EPHA3: variants seen among roughly 807,000 people sequenced by gnomAD.
EPHA3 encodes ephrin type-A receptor 3.
EPHA3 carries 42 observed loss-of-function variants against 107.1 expected under a neutral mutation model. The observed-to-expected ratio is 0.39, with a 90% CI of 0.31 to 0.51. EPHA3 has a LOEUF of 0.51. Ranked by LOEUF, EPHA3 falls within the 20% of genes least tolerant of loss-of-function variation. EPHA3 has a pLI of 0.78. For synonymous variants in EPHA3, 461 were observed against 424.8 expected (o/e 1.09, Z -1.05); for missense variants, 1,183 against 1,211.2 (o/e 0.98, Z 0.35).
At chr3:89,172,020 T>TAACCAACCGCCCCTTCTTCTC (rs1705221349) in intron 2 of EPHA3, among the ~76,000 whole-genome samples, 1 of 152,178 alleles carries the variant, frequency 6.6e-6, no homozygotes, top group African/African-American at 2.4e-5. Flanking sequence ...TCCTTCTTCG[T>TAACCAACCGCCCCTTCTTCTC]AACCAACCGC....
chr3:89,449,315 G>C lies in EPHA3; in HGVS notation c.2437G>C (p.Val813Leu), dbSNP rs1709941064. Residue 813 changes from valine to leucine, a missense_variant, in exon 14 of 17, where the codon GTT becomes CTT. Physicochemically the swap from Val to Leu is conservative, Grantham distance 32. Transcript: ENST00000336596. ...SASDVWSYGI[V>L]LWEVMSYGER... ...CAGCGATGTATGGAGTTATGGGATT[G>C]TTCTCTGGGAGGTGATGTCTTATGG... The C allele has an allele frequency of 6.2e-7, 1 of 1,612,118 alleles. No individual in the cohort carries two copies. The highest frequency in any genetic ancestry group is 8.5e-7 in the Non-Finnish European group (1 of 1,178,718).
chr3:89,415,673 A>C (rs1709232799), intron 10 of EPHA3, among the ~76,000 whole-genome samples: 1 of 151,106 alleles, frequency 6.6e-6, no homozygotes, highest in South Asian at 2.1e-4. Context: ...CATGACTACA[A>C]TTCCTAATTT....
intron 5 of EPHA3, among the ~76,000 whole-genome samples, chr3:89,378,277 T>G (rs1206114628): frequency 6.6e-6 from 1 of 152,132 alleles, no homozygotes; most frequent in Non-Finnish European, 1.5e-5. Flanking sequence ...ATTTTTTAAG[T>G]GTATTGGGAT....
At chr3:89,191,517 A>G (rs1705717402) in intron 2 of EPHA3, among the ~76,000 whole-genome samples, 1 of 152,104 alleles carries the variant, frequency 6.6e-6, no homozygotes, top group Admixed American at 6.5e-5. Context: ...TGTGTTATCC[A>G]GGATGGTATA....
chr3:89,467,783 T>C (rs1464102270), intron 15 of EPHA3, among the ~76,000 whole-genome samples: 1 of 152,168 alleles, frequency 6.6e-6, no homozygotes, highest in Admixed American at 6.5e-5. Flanking sequence ...ATTTTTCACT[T>C]CCCCTGAGCA....
At chr3:89,450,439 T>G (rs1226979897) in intron 15 of EPHA3, 69 bp downstream of exon 15, 2 of 1,487,916 alleles carry the variant, frequency 1.3e-6, no homozygotes, top group African/African-American at 2.8e-5. Flanking sequence ...AGATGTTAAT[T>G]TTTTTAGCCC....
intron 5 of EPHA3, among the ~76,000 whole-genome samples, chr3:89,387,870 A>G (rs1340412238): frequency 1.3e-5 from 2 of 152,172 alleles, no homozygotes; most frequent in African/African-American, 4.8e-5. Flanking sequence ...AAATTATAAC[A>G]AAATTCTCCA....
At chr3:89,249,100 C>T (rs1044859525) in intron 3 of EPHA3, among the ~76,000 whole-genome samples, 3 of 152,168 alleles carry the variant, frequency 2.0e-5, no homozygotes, top group African/African-American at 7.2e-5. Context: ...GTGACTAATG[C>T]CACTTTTGGG....
At chr3:89,267,199 T>C (rs2107291292) in intron 3 of EPHA3, among the ~76,000 whole-genome samples, 2 of 152,194 alleles carry the variant, frequency 1.3e-5, no homozygotes, top group Admixed American at 1.3e-4. Context: ...TAAAGTAAGC[T>C]TACCTTGCCA....
chr3:89,460,271 A>G (rs1253601037), intron 15 of EPHA3, among the ~76,000 whole-genome samples: 1 of 152,190 alleles, frequency 6.6e-6, no homozygotes, highest in East Asian at 1.9e-4. Flanking sequence ...GTAAATTGAT[A>G]AAATTCAAAT....
rs758375237 is a variant in EPHA3, at chr3:89,345,797, T to A, written c.1306+3707T>A. 1.0e-3 allele frequency among the ~76,000 whole-genome samples: 113 copies of A among 110,650 alleles called. 1 individual carries two copies. Among genetic ancestry groups the A allele is most frequent in the Non-Finnish European group, 1.9e-3 (109 of 56,112 alleles). 72.6% of individuals were successfully genotyped at this position (110,650 alleles called of 152,430 possible). On this transcript the variant is annotated intron_variant, in intron 5 of 16. Coordinates refer to ENST00000336596, the MANE Select transcript of EPHA3 (RefSeq NM_005233.6). ...CCACCCCACCACAGTCCCCAGAGTGTGATATTCCCCTTCCTGTGTCCATGT... is the reference window on the plus strand; with the variant it reads ...CCACCCCACCACAGTCCCCAGAGTGAGATATTCCCCTTCCTGTGTCCATGT...
At chr3:89,340,693 T>C (rs1473243905) in intron 3 of EPHA3, among the ~76,000 whole-genome samples, 5 of 152,226 alleles carry the variant, frequency 3.3e-5, no homozygotes, top group Non-Finnish European at 7.3e-5. Flanking sequence ...GCCAAAATAA[T>C]CTAAATCTTG....
At chr3:89,203,006 A>T (rs1335581864) in intron 2 of EPHA3, among the ~76,000 whole-genome samples, 1 of 152,108 alleles carries the variant, frequency 6.6e-6, no homozygotes, top group Non-Finnish European at 1.5e-5. Flanking sequence ...GCAAATCTGG[A>T]GTGAAAAACC....
chr3:89,447,066 G>A (rs1709889792), intron 13 of EPHA3, among the ~76,000 whole-genome samples: 1 of 152,094 alleles, frequency 6.6e-6, no homozygotes, highest in African/African-American at 2.4e-5. Flanking sequence ...ACATGTCTAA[G>A]TCCACTTTTG....
rs937950554 is a variant in EPHA3, at chr3:89,481,904, T to C, written c.*2402T>C. 4.4e-6 allele frequency: 1 copy of C among 228,450 alleles called. No individual in the cohort carries two copies. Among genetic ancestry groups the C allele is most frequent in the Non-Finnish European group, 8.7e-6 (1 of 114,816 alleles). 14.2% of individuals were successfully genotyped at this position (228,450 alleles called of 1,614,324 possible). A position where few individuals can be genotyped will look rare whatever the true frequency, so the allele number is the denominator to read the frequency against. On this transcript the variant is annotated 3_prime_UTR_variant, in exon 17 of 17. Transcript: ENST00000336596. ...GTATCTTAAATTTGATTTACATATA[T>C]TATTTATTTCTGGTAACTCACTCAG...
intron 11 of EPHA3, among the ~76,000 whole-genome samples, chr3:89,423,297 A>ACTAAG (rs1559690703): frequency 3.1e-4 from 47 of 151,544 alleles, no homozygotes; most frequent in African/African-American, 1.1e-3. Context: ...ATGAGTATCC[A>ACTAAG]CTTTCACTAA....
chr3:89,458,302 G>A (rs1274898778), intron 15 of EPHA3, among the ~76,000 whole-genome samples: 1 of 152,140 alleles, frequency 6.6e-6, no homozygotes, highest in Non-Finnish European at 1.5e-5. Context: ...GAGCTTTGGA[G>A]AGCAGTGCCA....
Position 89,279,019 on chromosome 3 carries a change from G to GT in EPHA3, c.815-61890dup, listed in dbSNP as rs556134365. On this transcript the variant is annotated intron_variant, in intron 3 of 16. Coordinates refer to ENST00000336596, the MANE Select transcript of EPHA3 (RefSeq NM_005233.6). ...AATTTGAACCAAATGTGTATATAGT[G>GT]TTTTTTTCCCCTCACATTTTTAAAT... Among the ~76,000 whole-genome samples, 133 of 152,190 alleles carry GT rather than the reference G, an allele frequency of 8.7e-4. 2 individuals are homozygous for GT. The South Asian group carries it at 0.016, about 19-fold the overall frequency.
intron 13 of EPHA3, among the ~76,000 whole-genome samples, chr3:89,433,571 G>T (rs1709610220): frequency 6.6e-6 from 1 of 152,012 alleles, no homozygotes; most frequent in African/African-American, 2.4e-5. Context: ...AATATACTCT[G>T]TAGTGCATTT....
Sources: allele counts gnomAD v4.1 joint callset (sites outside exome capture counted in the v4.1 genomes callset), GRCh38; gene constraint gnomAD v4.1.1; transcripts MANE v1.5; gene names NCBI Gene and HGNC (gene_info 2026-07-23, HGNC 2026-07-21).